Variants in B3GALNT2 observed in about 807,000 individuals in gnomAD.
The protein encoded by B3GALNT2 is beta-1,3-N-acetylgalactosaminyltransferase 2, also known as UDP-GalNAc:beta-1,3-N-acetylgalactosaminyltransferase 2.
Under a neutral mutation model 61.1 loss-of-function variants are expected in B3GALNT2, and 53 were observed. The observed-to-expected ratio is 0.87, with a 90% CI of 0.70 to 1.09. B3GALNT2 has a LOEUF of 1.09. Ranked by LOEUF, B3GALNT2 falls within the 50% of genes least tolerant of loss-of-function variation. The pLI is 0.00. For synonymous variants in B3GALNT2, 223 were observed against 237.4 expected (o/e 0.94, Z 0.56); for missense variants, 544 against 623.0 (o/e 0.87, Z 1.35).
rs904642569 is a variant in B3GALNT2, at chr1:235,502,094, C to G, written c.112+2047G>C. On this transcript the variant is annotated intron_variant, in intron 1 of 11. Transcript: ENST00000366600. ...GTGGCGCAATCTCGTCTCACTGCAA[C>G]CTCCGCCTCCGAGGTTCAAGTGATT... Among the ~76,000 whole-genome samples, 6 of 152,310 alleles carry G rather than the reference C, an allele frequency of 3.9e-5. No homozygotes were observed. The South Asian group carries it at 6.2e-4, about 16-fold the overall frequency.
chr1:235,488,353 A>G (rs1684901794), intron 3 of B3GALNT2, among the ~76,000 whole-genome samples: 1 of 152,140 alleles, frequency 6.6e-6, no homozygotes, highest in Non-Finnish European at 1.5e-5. Flanking sequence ...CAATTCTGTA[A>G]AGAATCTCTA....
At position 235,448,555 on chromosome 1, in the gene B3GALNT2, GT is replaced by G; in HGVS notation, c.*1650del. On this transcript the variant is annotated 3_prime_UTR_variant, in exon 12 of 12. Coordinates refer to ENST00000366600, the MANE Select transcript of B3GALNT2 (RefSeq NM_152490.5). ...CTAAATGGAGACCATGGGTCTGTTTGTTTGATTTTAAGGGTAAGCTACTGCC... is the reference window on the plus strand; with the variant it reads ...CTAAATGGAGACCATGGGTCTGTTTGTTGATTTTAAGGGTAAGCTACTGCC... 7.2e-7 allele frequency: 1 copy of G among 1,395,370 alleles called. No homozygotes were observed. The highest frequency in any genetic ancestry group is 1.0e-6 in the Non-Finnish European group (1 of 981,326). The allele number at this position is 1,395,370 out of a possible 1,614,324, so 86.4% of individuals were successfully genotyped here.
Position 235,480,085 on chromosome 1 carries a change from TACCACAGCTTGTTCACCTGCAC to T in B3GALNT2, c.598_619del (p.Val200ThrfsTer35). The T allele has an allele frequency of 5.0e-6, 8 of 1,613,974 alleles. No individual in the cohort carries two copies. The highest frequency in any genetic ancestry group is 6.8e-6 in the Non-Finnish European group (8 of 1,179,856). ...TAAGATGAATTGTTCCACGGGCTTG[TACCACAGCTTGTTCACCTGCAC>T]ACCACAGCTTGGAGGACTGAAGCGA... On this transcript the variant is annotated frameshift_variant, in exon 5 of 12. Transcript: ENST00000366600. LOFTEE classifies it high-confidence loss of function.
intron 6 of B3GALNT2, among the ~76,000 whole-genome samples, chr1:235,466,481 C>A (rs1046898392): frequency 6.6e-6 from 1 of 152,266 alleles, no homozygotes; most frequent in South Asian, 2.1e-4. Context: ...GCCTTACAAG[C>A]AGCTAGCACT....
chr1:235,472,311 G>GAT (rs1211177932), intron 5 of B3GALNT2, among the ~76,000 whole-genome samples: 1 of 152,028 alleles, frequency 6.6e-6, no homozygotes, highest in Admixed American at 6.6e-5. Flanking sequence ...CCCAAGGTCT[G>GAT]ATATATATTG....
chr1:235,461,868 A>G (rs949886802), intron 7 of B3GALNT2, among the ~76,000 whole-genome samples: 2 of 152,192 alleles, frequency 1.3e-5, no homozygotes, highest in African/African-American at 2.4e-5. Flanking sequence ...TGTAAAAACA[A>G]TATGTGTTCA....
Position 235,448,265 on chromosome 1 carries a change from G to T in B3GALNT2, c.*1941C>A. The T allele has an allele frequency of 7.1e-5, 58 of 812,004 alleles. No homozygotes were observed. Among genetic ancestry groups the T allele is most frequent in the Non-Finnish European group, 1.1e-4 (51 of 468,680 alleles). The allele number at this position is 812,004 out of a possible 1,614,324, so 50.3% of individuals were successfully genotyped here. On this transcript the variant is annotated 3_prime_UTR_variant, in exon 12 of 12. Transcript: ENST00000366600. The stretch of plus-strand genomic sequence containing the variant: ...AGACAGATACAGCTATCATTGCAAT[G>T]ATACTGTGGTCTCATCACATGAGCT...
chr1:235,442,350 A>T (rs1032774134), downstream of B3GALNT2, among the ~76,000 whole-genome samples: 2 of 152,134 alleles, frequency 1.3e-5, no homozygotes, highest in African/African-American at 4.8e-5. Context: ...TTGTATTTTT[A>T]GTAGAGATGG....
chr1:235,459,071 C>T (rs1392394387), intron 7 of B3GALNT2, among the ~76,000 whole-genome samples: 1 of 151,418 alleles, frequency 6.6e-6, no homozygotes, highest in Non-Finnish European at 1.5e-5. Context: ...AACATTATTT[C>T]ACATGAGGAT....
At chr1:235,502,909 C>CAA (rs1685646592) in intron 1 of B3GALNT2, among the ~76,000 whole-genome samples, 1 of 152,216 alleles carries the variant, frequency 6.6e-6, no homozygotes, top group Non-Finnish European at 1.5e-5. Context: ...AAACACTGAG[C>CAA]AAAACCCTGA....
chr1:235,494,817 A>T lies in B3GALNT2; in HGVS notation c.124T>A (p.Leu42Ile). ...TGAGTAGATTTCCACTGAGGAAATA[A>T]GGCCAACTGATCTAGAAATAAGAAC... ...SGAGPADQLA[L>I]FPQWKSTHYD... The change falls in exon 2 of 12, where the codon TTA (leucine) becomes ATA (isoleucine). Residue 42 changes from leucine (L) to isoleucine (I), a missense_variant. Coordinates refer to ENST00000366600, the MANE Select transcript of B3GALNT2 (RefSeq NM_152490.5). The T allele has an allele frequency of 6.2e-7, 1 of 1,606,878 alleles. No individual in the cohort carries two copies. The highest frequency in any genetic ancestry group is 8.5e-7 in the Non-Finnish European group (1 of 1,174,256).
intron 1 of B3GALNT2, among the ~76,000 whole-genome samples, chr1:235,497,402 C>CA (rs972453661): frequency 9.2e-5 from 14 of 151,864 alleles, no homozygotes; most frequent in African/African-American, 3.4e-4. Flanking sequence ...AAAACTGATA[C>CA]AAAAAAAATT....
intron 2 of B3GALNT2, among the ~76,000 whole-genome samples, chr1:235,494,423 G>C (rs912630713): frequency 6.6e-6 from 1 of 151,686 alleles, no homozygotes; most frequent in Admixed American, 6.6e-5. Context: ...ATATCTGAAT[G>C]AACATTTCTA....
intron 6 of B3GALNT2, among the ~76,000 whole-genome samples, chr1:235,470,107 C>A (rs1683917136): frequency 6.6e-6 from 1 of 152,072 alleles, no homozygotes; most frequent in Admixed American, 6.5e-5. Context: ...CTATGTTGCC[C>A]AGGCTGGTGT....
intron 1 of B3GALNT2, 39 bp downstream of exon 1, chr1:235,504,102 C>G: frequency 8.3e-7 from 1 of 1,208,602 alleles, no homozygotes. Context: ...CCTCCCACCC[C>G]CCCGGCGGCC....
At chr1:235,481,455 C>G (rs1030357801) in intron 4 of B3GALNT2, among the ~76,000 whole-genome samples, 5 of 152,124 alleles carry the variant, frequency 3.3e-5, no homozygotes. Context: ...GTGATCCTCC[C>G]ACCTCAACCT....
At chr1:235,465,505 C>T in intron 7 of B3GALNT2, 131 bp downstream of exon 7, 1 of 1,390,664 alleles carries the variant, frequency 7.2e-7, no homozygotes, top group South Asian at 1.6e-5. Flanking sequence ...CACTGAACCA[C>T]TTTAAAAGGG....
rs932111650 is a variant in B3GALNT2, at chr1:235,450,008, A to T, written c.*198T>A. On this transcript the variant is annotated 3_prime_UTR_variant, in exon 12 of 12. Coordinates refer to ENST00000366600, the MANE Select transcript of B3GALNT2 (RefSeq NM_152490.5). ...CAATAGATAAATAAAAACTTTTCTTATGCTACAGTACAAGTTGATTTTTAA... is the reference window on the plus strand; with the variant it reads ...CAATAGATAAATAAAAACTTTTCTTTTGCTACAGTACAAGTTGATTTTTAA... The T allele has an allele frequency of 8.6e-6, 4 of 467,260 alleles. No homozygotes were observed. Among genetic ancestry groups the T allele is most frequent in the Non-Finnish European group, 1.4e-5 (4 of 277,258 alleles). The allele number at this position is 467,260 out of a possible 1,614,324, so 28.9% of individuals were successfully genotyped here.
At chr1:235,504,044 C>T (rs1685712767) in intron 1 of B3GALNT2, 97 bp downstream of exon 1, 2 of 1,172,494 alleles carry the variant, frequency 1.7e-6, no homozygotes, top group Non-Finnish European at 1.1e-6. Flanking sequence ...TTTGGCCCTT[C>T]CCCCGCCTCC....
Sources: gnomAD v4.1 joint callset for allele counts (sites outside exome capture counted in the v4.1 genomes callset) on GRCh38, gnomAD v4.1.1 for gene constraint, MANE v1.5 for transcripts, NCBI Gene and HGNC (gene_info 2026-07-23, HGNC 2026-07-21) for gene names.